Variants in SLC4A5 observed in about 807,000 individuals in gnomAD.
The protein encoded by SLC4A5 is solute carrier family 4 member 5, also known as electrogenic sodium bicarbonate cotransporter 4.
SLC4A5 carries 96 observed loss-of-function variants against 120.4 expected under a neutral mutation model. The observed-to-expected ratio is 0.80, with a 90% confidence interval of 0.68 to 0.94. SLC4A5 has a LOEUF of 0.94. SLC4A5 is among the 40% of genes least tolerant of loss of function. SLC4A5 has a pLI of 0.00. For missense variants in SLC4A5, 1,259 were observed against 1,459.5 expected (o/e 0.86, Z 2.24); for synonymous variants, 550 against 571.1 (o/e 0.96, Z 0.53).
intron 25 of SLC4A5, 112 bp downstream of exon 25, chr2:74,231,124 A>T: frequency 2.1e-6 from 2 of 945,602 alleles, no homozygotes; most frequent in Non-Finnish European, 3.2e-6. Context: ...TGCCTTTCTT[A>T]GGGGGCTGAT....
intron 3 of SLC4A5, among the ~76,000 whole-genome samples, chr2:74,335,174 T>A (rs1252219763): frequency 6.6e-6 from 1 of 152,190 alleles, no homozygotes; most frequent in Non-Finnish European, 1.5e-5. Context: ...TGTAAGTAAC[T>A]TGCCCAAAGT....
At chr2:74,241,601 G>C (rs1366050651) in intron 20 of SLC4A5, among the ~76,000 whole-genome samples, 2 of 151,818 alleles carry the variant, frequency 1.3e-5, no homozygotes. Context: ...AATTAGCTGG[G>C]CGTGATGGTG....
At chr2:74,281,343 G>A (rs1281788673) in intron 8 of SLC4A5, among the ~76,000 whole-genome samples, 1 of 152,206 alleles carries the variant, frequency 6.6e-6, no homozygotes, top group Non-Finnish European at 1.5e-5. Context: ...CACTTGGGTG[G>A]GTTCCAACCC....
chr2:74,306,915 T>C, intron 6 of SLC4A5: 1 of 623,336 alleles, frequency 1.6e-6, no homozygotes, highest in East Asian at 3.6e-5. Context: ...GAGCTTGATG[T>C]TCAGCAGGGC....
intron 8 of SLC4A5, among the ~76,000 whole-genome samples, chr2:74,267,047 C>T (rs1039393776): frequency 5.3e-5 from 8 of 152,026 alleles, no homozygotes; most frequent in Non-Finnish European, 8.8e-5. Context: ...TGAAGATGGC[C>T]AATAAACATA....
chr2:74,239,482 C>T (rs1275338887), exon 21 of SLC4A5: 15 of 1,614,062 alleles, frequency 9.3e-6, no homozygotes, highest in African/African-American at 2.7e-5. Flanking sequence ...AGCTCAGACA[C>T]TCCTTCTTGC....
intron 17 of SLC4A5, among the ~76,000 whole-genome samples, chr2:74,249,623 G>A (rs1670728787): frequency 6.6e-6 from 1 of 152,076 alleles, no homozygotes; most frequent in Admixed American, 6.5e-5. Context: ...TAGACAGCTG[G>A]GTGAACCACG....
At chr2:74,234,232 G>T (rs1445944667) in intron 22 of SLC4A5, among the ~76,000 whole-genome samples, 2 of 149,372 alleles carry the variant, frequency 1.3e-5, no homozygotes, top group African/African-American at 2.5e-5. Flanking sequence ...AGGCTGCAGT[G>T]CAGTGGCGTG....
chr2:74,266,916 AT>A (rs1671319711), intron 8 of SLC4A5, among the ~76,000 whole-genome samples: 1 of 152,232 alleles, frequency 6.6e-6, no homozygotes, highest in South Asian at 2.1e-4. Context: ...ACTGAGAAAA[AT>A]ATCTGCAACA....
chr2:74,233,691 C>T, intron 22 of SLC4A5, 128 bp from the exon 23 acceptor site: 1 of 1,058,818 alleles, frequency 9.4e-7, no homozygotes. Context: ...CAATCTTTTC[C>T]CTTAAACACC....
chr2:74,272,479 G>A (rs150158575), intron 8 of SLC4A5, among the ~76,000 whole-genome samples: 7 of 152,298 alleles, frequency 4.6e-5, no homozygotes, highest in African/African-American at 7.2e-5. Flanking sequence ...TACCATGGTT[G>A]GCTTCAAAAA....
intron 7 of SLC4A5, among the ~76,000 whole-genome samples, chr2:74,297,961 T>C (rs984348260): frequency 6.6e-6 from 1 of 152,208 alleles, no homozygotes; most frequent in Non-Finnish European, 1.5e-5. Flanking sequence ...ACCAATGACA[T>C]CTTATAAAGG....
intron 2 of SLC4A5, among the ~76,000 whole-genome samples, chr2:74,339,943 G>A (rs751201128): frequency 1.4e-4 from 21 of 152,160 alleles, no homozygotes; most frequent in Non-Finnish European, 2.8e-4. Flanking sequence ...GACACAAAAC[G>A]ACAAATACTG....
intron 3 of SLC4A5, among the ~76,000 whole-genome samples, chr2:74,335,921 T>C (rs1211046205): frequency 6.6e-6 from 1 of 152,176 alleles, no homozygotes; most frequent in African/African-American, 2.4e-5. Context: ...CCAAGGGCAT[T>C]TTGAATGAAA....
chr2:74,254,239 T>A (rs1670886595), intron 14 of SLC4A5, among the ~76,000 whole-genome samples: 1 of 152,120 alleles, frequency 6.6e-6, no homozygotes, highest in South Asian at 2.1e-4. Context: ...TGAGCCTATA[T>A]CAAACCACCT....
At chr2:74,328,307 C>T (rs1011296239) in intron 4 of SLC4A5, 121 bp from the exon 5 acceptor site, 17 of 426,284 alleles carry the variant, frequency 4.0e-5, no homozygotes, top group Admixed American at 6.4e-5. Flanking sequence ...GGGAGGGACG[C>T]TCCTGCAGGG....
At position 74,253,191 on chromosome 2, in the gene SLC4A5, T is replaced by C. The variant is rs1670849223; in HGVS notation, c.1114-63A>G. 8 of 1,585,418 alleles carry C rather than the reference T, an allele frequency of 5.0e-6. No individual in the cohort carries two copies. The South Asian group carries it at 5.7e-5, about 11-fold the overall frequency. ...TCTGTTTCTGAAATGCCTGGGAGCATATCACATCTAGTTTTTAAAGGAATC... is the reference window on the plus strand; with the variant it reads ...TCTGTTTCTGAAATGCCTGGGAGCACATCACATCTAGTTTTTAAAGGAATC... On this transcript the variant is annotated intron_variant, in intron 14 of 30. Coordinates refer to ENST00000394019, the Ensembl canonical transcript of SLC4A5.
chr2:74,332,716 TGTGTGTGTGC>T (rs1160356012), intron 4 of SLC4A5, among the ~76,000 whole-genome samples: 1 of 151,926 alleles, frequency 6.6e-6, no homozygotes, highest in African/African-American at 2.4e-5. Flanking sequence ...TGTGTGTGTG[TGTGTGTGTGC>T]GTGTGTGTGC....
Position 74,244,430 on chromosome 2 carries a change from TCTTTC to T in SLC4A5, c.2060-2383_2060-2379del, listed in dbSNP as rs1460565964. 3.2e-4 allele frequency among the ~76,000 whole-genome samples: 46 copies of T among 143,916 alleles called. 2 individuals are homozygous for T. The South Asian group carries it at 4.0e-3, about 13-fold the overall frequency. The allele number at this position is 143,916 out of a possible 152,430, so 94.4% of individuals were successfully genotyped here. A position where few individuals can be genotyped will look rare whatever the true frequency, so the allele number is the denominator to read the frequency against. On this transcript the variant is annotated intron_variant, in intron 19 of 30. Coordinates refer to ENST00000394019, the Ensembl canonical transcript of SLC4A5. The stretch of plus-strand genomic sequence containing the variant: ...CCTTCCTTCCCTCCCTCCTTCCCTT[TCTTTC>T]CTTTCCTTTCTTTTCTTTCCTTCCT...
Sources: allele counts gnomAD v4.1 joint callset (sites outside exome capture counted in the v4.1 genomes callset), GRCh38; gene constraint gnomAD v4.1.1; transcripts MANE v1.5; gene names NCBI Gene and HGNC (gene_info 2026-07-23, HGNC 2026-07-21).